The following ENTREP2 variants were observed in gnomAD, a reference collection of about 807,000 sequenced individuals.
ENTREP2 encodes the protein endosomal transmembrane epsin interactor 2, also known as protein ENTREP2.
At chr15:29,307,070 T>C in the ENTREP2 span, among the ~76,000 whole-genome samples, 76,897 of 151,968 alleles carry the variant, frequency 0.51, 22,326 homozygotes, top group African/African-American at 0.82. Flanking sequence ...TTTTTATTTT[T>C]AAGTTCATTT....
chr15:29,292,081 C>T, the ENTREP2 span, among the ~76,000 whole-genome samples: 1 of 152,144 alleles, frequency 6.6e-6, no homozygotes, highest in Non-Finnish European at 1.5e-5. Context: ...TTATATCCAT[C>T]TTCCCACCTT....
the ENTREP2 span, chr15:29,123,780 C>A: frequency 1.1e-6 from 1 of 933,764 alleles, no homozygotes; most frequent in African/African-American, 1.7e-5. Context: ...GGCTGGCGCT[C>A]TGGGCATGCC....
At chr15:29,484,757 C>T in the ENTREP2 span, among the ~76,000 whole-genome samples, 4,768 of 152,236 alleles carry the variant, frequency 0.031, 239 homozygotes, top group African/African-American at 0.11. Context: ...ATAGAACTCA[C>T]TTGTGGAATA....
the ENTREP2 span, among the ~76,000 whole-genome samples, chr15:29,641,831 CAAAA>C: frequency 2.5e-5 from 2 of 78,614 alleles, no homozygotes; most frequent in Admixed American, 1.5e-4. Context: ...GACTCTGTCT[CAAAA>C]AAAAAAAAAA....
At chr15:29,547,508 G>GC in the ENTREP2 span, among the ~76,000 whole-genome samples, 2 of 152,158 alleles carry the variant, frequency 1.3e-5, no homozygotes, top group African/African-American at 4.8e-5. Flanking sequence ...TTAGGGAAAT[G>GC]CAAATCAAAA....
the ENTREP2 span, among the ~76,000 whole-genome samples, chr15:29,667,470 G>A: frequency 4.1e-5 from 6 of 147,950 alleles, no homozygotes; most frequent in African/African-American, 1.5e-4. Context: ...TTACAGGCGT[G>A]AGCCACTGCG....
the ENTREP2 span, among the ~76,000 whole-genome samples, chr15:29,409,693 G>A: frequency 6.6e-6 from 1 of 151,516 alleles, no homozygotes; most frequent in East Asian, 1.9e-4. Context: ...GAACACCCTG[G>A]CTCAAGTGAT....
chr15:29,501,793 C>T, the ENTREP2 span, among the ~76,000 whole-genome samples: 1 of 151,904 alleles, frequency 6.6e-6, no homozygotes, highest in South Asian at 2.1e-4. Context: ...ATAATAAACA[C>T]ACATACATAT....
At chr15:29,164,018 C>T in the ENTREP2 span, among the ~76,000 whole-genome samples, 1 of 152,180 alleles carries the variant, frequency 6.6e-6, no homozygotes, top group Non-Finnish European at 1.5e-5. Flanking sequence ...TCTTCAGCCT[C>T]CTCAAACAAA....
the ENTREP2 span, among the ~76,000 whole-genome samples, chr15:29,649,197 G>A: frequency 1.3e-5 from 2 of 152,054 alleles, no homozygotes; most frequent in African/African-American, 4.8e-5. Context: ...AAGTAGATTT[G>A]TTAGAAGCAC....
chr15:29,151,415 T>C, the ENTREP2 span, among the ~76,000 whole-genome samples: 1 of 152,232 alleles, frequency 6.6e-6, no homozygotes, highest in Middle Eastern at 3.2e-3. Flanking sequence ...CACCTTGCTT[T>C]GGAGGTGCTG....
At chr15:29,139,750 C>T in the ENTREP2 span, among the ~76,000 whole-genome samples, 3 of 152,194 alleles carry the variant, frequency 2.0e-5, no homozygotes, top group Non-Finnish European at 4.4e-5. Flanking sequence ...CTTCCTGGAC[C>T]CTTTTCCCAG....
At chr15:29,418,899 C>A in the ENTREP2 span, among the ~76,000 whole-genome samples, 6 of 152,232 alleles carry the variant, frequency 3.9e-5, no homozygotes, top group African/African-American at 1.4e-4. Context: ...GGGGTCCAAG[C>A]ACATGGTTGG....
At chr15:29,216,891 T>G in the ENTREP2 span, among the ~76,000 whole-genome samples, 1 of 151,968 alleles carries the variant, frequency 6.6e-6, no homozygotes, top group Non-Finnish European at 1.5e-5. Context: ...AACACCACAC[T>G]TTGAGACAAA....
the ENTREP2 span, among the ~76,000 whole-genome samples, chr15:29,575,146 C>A: frequency 6.6e-6 from 1 of 152,150 alleles, no homozygotes; most frequent in Non-Finnish European, 1.5e-5. Flanking sequence ...TGCCTTGTGA[C>A]AGAACCCCAA....
chr15:29,201,385 C>T, the ENTREP2 span, among the ~76,000 whole-genome samples: 1 of 152,136 alleles, frequency 6.6e-6, no homozygotes, highest in Non-Finnish European at 1.5e-5. Context: ...ATTCAGTCTC[C>T]ATTAAGTGTG....
At chr15:29,372,495 A>T in the ENTREP2 span, among the ~76,000 whole-genome samples, 2 of 152,174 alleles carry the variant, frequency 1.3e-5, no homozygotes, top group Non-Finnish European at 2.9e-5. Context: ...ATTATATGCA[A>T]ATTTTCAACT....
At chr15:29,149,031 C>G in the ENTREP2 span, among the ~76,000 whole-genome samples, 3 of 152,188 alleles carry the variant, frequency 2.0e-5, no homozygotes, top group Non-Finnish European at 4.4e-5. Context: ...CATGTGCCAC[C>G]ATGCCCGGCT....
the ENTREP2 span, chr15:29,269,121 T>A: frequency 1.2e-6 from 2 of 1,614,108 alleles, no homozygotes; most frequent in Non-Finnish European, 8.5e-7. Flanking sequence ...AGGCTTCAGT[T>A]TCCTTGATGG....
Sources: gnomAD v4.1 joint callset for allele counts (sites outside exome capture counted in the v4.1 genomes callset) on GRCh38, gnomAD v4.1.1 for gene constraint, MANE v1.5 for transcripts, NCBI Gene and HGNC (gene_info 2026-07-23, HGNC 2026-07-21) for gene names.